Variants in PLGRKT observed in about 807,000 individuals in gnomAD.
PLGRKT encodes plasminogen receptor with a C-terminal lysine, also known as plasminogen receptor (KT).
PLGRKT carries 22 observed loss-of-function variants against 18.5 expected under a neutral mutation model. That is an observed-to-expected ratio of 1.19 (90% confidence interval 0.85 to 1.70). PLGRKT has a LOEUF of 1.70. PLGRKT is among the 40% of genes most tolerant of loss of function. PLGRKT has a pLI of 0.00. For missense variants in PLGRKT, 235 were observed against 174.4 expected (o/e 1.35, Z -1.96); for synonymous variants, 72 against 52.8 (o/e 1.36, Z -1.58).
chr9:5,417,400 A>C (rs1327071342), intron 3 of PLGRKT, among the ~76,000 whole-genome samples: 2 of 152,194 alleles, frequency 1.3e-5, no homozygotes, highest in Non-Finnish European at 1.5e-5. Flanking sequence ...CCAAGACCTA[A>C]ATTTAAGAGC....
chr9:5,403,018 T>G (rs1260658656), intron 3 of PLGRKT, among the ~76,000 whole-genome samples: 2 of 151,764 alleles, frequency 1.3e-5, no homozygotes, highest in Non-Finnish European at 2.9e-5. Context: ...AATAGTATTC[T>G]CCCCTGGATA....
At position 5,418,030 on chromosome 9, in the gene PLGRKT, G is replaced by A. The variant is rs767495912; in HGVS notation, c.81+13867C>T. 1.3e-5 allele frequency among the ~76,000 whole-genome samples: 2 copies of A among 152,146 alleles called. No homozygotes were observed. The highest frequency in any genetic ancestry group is 2.4e-5 in the African/African-American group (1 of 41,436). On this transcript the variant is annotated intron_variant, in intron 3 of 5. Transcript: ENST00000223864. This position sits in a 1 kb window ranked among gnomAD's most constrained non-coding sequence, Gnocchi z 4.2. ...GGATTTCGAGAAGATCACATTGTAC[G>A]CACTTGTGGAGTTTAACGTCTAAGT...
At chr9:5,398,409 C>T (rs2381278) in intron 3 of PLGRKT, among the ~76,000 whole-genome samples, 99,606 of 151,792 alleles carry the variant, frequency 0.66, 34,941 homozygotes, top group African/African-American at 0.91. Context: ...GAGAAGTTAA[C>T]TCTGTTAAGC....
At chr9:5,366,713 C>G (rs1473750934) in intron 3 of PLGRKT, among the ~76,000 whole-genome samples, 1 of 152,104 alleles carries the variant, frequency 6.6e-6, no homozygotes, top group Non-Finnish European at 1.5e-5. Flanking sequence ...CCCCTCTCAC[C>G]ACTGCTATTC....
At chr9:5,363,686 G>A (rs539701119) in intron 3 of PLGRKT, among the ~76,000 whole-genome samples, 129 of 152,244 alleles carry the variant, frequency 8.5e-4, no homozygotes, top group African/African-American at 3.0e-3. Flanking sequence ...GGCTAGATGT[G>A]CCTTCCCTGA....
intron 3 of PLGRKT, among the ~76,000 whole-genome samples, chr9:5,394,099 G>A (rs7046325): frequency 0.23 from 35,129 of 151,604 alleles, 4,608 homozygotes; most frequent in Non-Finnish European, 0.29. Context: ...CCTTTCCTAA[G>A]GAACTGTAAA....
At chr9:5,383,712 G>C (rs1272445485) in intron 3 of PLGRKT, among the ~76,000 whole-genome samples, 1 of 152,062 alleles carries the variant, frequency 6.6e-6, no homozygotes, top group Non-Finnish European at 1.5e-5. Flanking sequence ...TTCACAACAG[G>C]GTTCACACTC....
intron 3 of PLGRKT, among the ~76,000 whole-genome samples, chr9:5,423,913 T>C (rs1378964954): frequency 2.0e-5 from 3 of 147,106 alleles, no homozygotes; most frequent in Non-Finnish European, 1.5e-5. Flanking sequence ...ATATATTAGA[T>C]ATTATATTAC....
intron 3 of PLGRKT, among the ~76,000 whole-genome samples, chr9:5,416,060 T>C (rs1376796865): frequency 2.0e-5 from 3 of 152,072 alleles, no homozygotes; most frequent in African/African-American, 7.2e-5. Flanking sequence ...GAAAGCTGGA[T>C]AAAGGATATA....
chr9:5,379,355 T>C (rs927211402), intron 3 of PLGRKT, among the ~76,000 whole-genome samples: 2 of 152,170 alleles, frequency 1.3e-5, no homozygotes, highest in African/African-American at 4.8e-5. Context: ...GCCAGACATA[T>C]AAAGTTACTA....
chr9:5,427,846 T>C (rs183836850), intron 3 of PLGRKT, among the ~76,000 whole-genome samples: 1 of 152,284 alleles, frequency 6.6e-6, no homozygotes, highest in East Asian at 1.9e-4. Context: ...CGTGAGAAGA[T>C]TCCCAGAGAT....
At position 5,416,238 on chromosome 9, in the gene PLGRKT, T is replaced by C. The variant is rs1469889138; in HGVS notation, c.81+15659A>G. 2.6e-5 allele frequency among the ~76,000 whole-genome samples: 4 copies of C among 152,170 alleles called. No homozygotes were observed. The East Asian group carries it at 5.8e-4, about 22-fold the overall frequency. On this transcript the variant is annotated intron_variant, in intron 3 of 5. Coordinates refer to ENST00000223864, the MANE Select transcript of PLGRKT (RefSeq NM_018465.4). ...TAATACTCAACATTAAAGACATCTATGGGGGCTTTTTTCTCTCTCTCTAGA... is the reference window on the plus strand; with the variant it reads ...TAATACTCAACATTAAAGACATCTACGGGGGCTTTTTTCTCTCTCTCTAGA...
chr9:5,415,647 C>T (rs1369013932), intron 3 of PLGRKT, among the ~76,000 whole-genome samples: 1 of 152,140 alleles, frequency 6.6e-6, no homozygotes, highest in African/African-American at 2.4e-5. Flanking sequence ...ATATCAACTT[C>T]ATGTATCCTC....
intron 3 of PLGRKT, among the ~76,000 whole-genome samples, chr9:5,362,664 G>A (rs1332465528): frequency 6.6e-6 from 1 of 152,170 alleles, no homozygotes; most frequent in Non-Finnish European, 1.5e-5. Context: ...GCAATACACA[G>A]GGAGTTCATG....
chr9:5,438,124 C>G (rs1818998990), upstream of PLGRKT, among the ~76,000 whole-genome samples: 1 of 152,186 alleles, frequency 6.6e-6, no homozygotes, highest in Admixed American at 6.5e-5. Flanking sequence ...CAATTAAAGG[C>G]CTCTGTCCCC....
chr9:5,404,530 A>G (rs1162592280), intron 3 of PLGRKT, among the ~76,000 whole-genome samples: 2 of 152,224 alleles, frequency 1.3e-5, no homozygotes, highest in African/African-American at 4.8e-5. Flanking sequence ...CAAAAACCAT[A>G]TAATTATCTC....
At chr9:5,416,177 T>G (rs573406297) in intron 3 of PLGRKT, among the ~76,000 whole-genome samples, 1 of 152,064 alleles carries the variant, frequency 6.6e-6, no homozygotes, top group Non-Finnish European at 1.5e-5. Flanking sequence ...TGTCATGAGT[T>G]TATTCAAGTC....
chr9:5,436,221 G>A (rs1260824569), intron 2 of PLGRKT, among the ~76,000 whole-genome samples: 1 of 152,200 alleles, frequency 6.6e-6, no homozygotes, highest in African/African-American at 2.4e-5. Flanking sequence ...CTGAGGTTAG[G>A]AGCGAGATAT....
At chr9:5,417,328 C>A (rs140833009) in intron 3 of PLGRKT, among the ~76,000 whole-genome samples, 4 of 152,058 alleles carry the variant, frequency 2.6e-5, no homozygotes, top group Admixed American at 2.0e-4. Flanking sequence ...GATATCCACA[C>A]GCAAAAGAGT....
Sources: gnomAD v4.1 joint callset for allele counts (sites outside exome capture counted in the v4.1 genomes callset) on GRCh38, gnomAD v4.1.1 for gene constraint, Gnocchi (gnomAD v3.1) non-coding constraint, MANE v1.5 for transcripts, NCBI Gene and HGNC (gene_info 2026-07-23, HGNC 2026-07-21) for gene names.